Variants in HMGCL observed in about 807,000 individuals in gnomAD.
HMGCL encodes 3-hydroxy-3-methylglutaryl-CoA lyase.
A neutral mutation model predicts 37.3 loss-of-function variants in HMGCL; 26 were observed. The ratio of observed to expected loss-of-function variants is 0.70; its 90% CI spans 0.51 to 0.97. The LOEUF (loss-of-function observed/expected upper bound fraction) is 0.97. HMGCL is among the 50% of genes least tolerant of loss of function. The probability of loss-of-function intolerance (pLI) is 0.00; values close to 1 mark genes in which losing one functional copy is unlikely to be tolerated. For synonymous variants in HMGCL, 151 were observed against 148.0 expected (o/e 1.02, Z -0.15); for missense variants, 379 against 398.1 (o/e 0.95, Z 0.41).
Position 23,802,328 on chromosome 1 carries a change from GAGACCTCTGTGT to G in HMGCL, c.*123_*134del. On this transcript the variant is annotated 3_prime_UTR_variant, in exon 9 of 9. Transcript: ENST00000374490. ...GCCCTTCGCCTGCTTTCTGCCAGGA[GAGACCTCTGTGT>G]AGAGCTGGCTATGAGGTACCTGCAC... 1 of 731,256 alleles carries G rather than the reference GAGACCTCTGTGT, an allele frequency of 1.4e-6. No homozygotes were observed. Among genetic ancestry groups the G allele is most frequent in the Non-Finnish European group, 2.5e-6 (1 of 402,826 alleles). The allele number at this position is 731,256 out of a possible 1,614,324, so 45.3% of individuals were successfully genotyped here.
At chr1:23,810,548 C>A in intron 6 of HMGCL, 188 bp downstream of exon 6, 4 of 617,290 alleles carry the variant, frequency 6.5e-6, no homozygotes, top group African/African-American at 1.8e-5. Flanking sequence ...ACTACATGTT[C>A]GGCTAGGAGG....
In HMGCL at chr1:23,801,965, G is replaced by T; in HGVS notation, c.*498C>A. 1 of 423,218 alleles carries T rather than the reference G, an allele frequency of 2.4e-6. No homozygotes were observed. The highest frequency in any genetic ancestry group is 4.2e-6 in the Non-Finnish European group (1 of 238,964). 26.2% of individuals were successfully genotyped at this position (423,218 alleles called of 1,614,324 possible). Reference sequence around the variant, plus strand: ...AGCGTGGAGATTTTCCAGAGATGCTGGAGTTGGCAGACGGCCACCACGTAG... The same window carrying T: ...AGCGTGGAGATTTTCCAGAGATGCTTGAGTTGGCAGACGGCCACCACGTAG... On this transcript the variant is annotated 3_prime_UTR_variant, in exon 9 of 9. Transcript: ENST00000374490.
chr1:23,822,115 C>T (rs952487497), intron 1 of HMGCL, among the ~76,000 whole-genome samples: 7 of 152,162 alleles, frequency 4.6e-5, no homozygotes, highest in Non-Finnish European at 1.0e-4. Context: ...TACAAAGTAG[C>T]CACTCTTTAA....
chr1:23,808,346 G>C lies in HMGCL; in HGVS notation c.562-23C>G, dbSNP rs374835343. On this transcript the variant is annotated intron_variant, in intron 6 of 8. Transcript: ENST00000374490. ...GACCTAAGGAAGCAAGCAGGCACTT[G>C]GAGGATACAGAATCCACCAGCCAGG... 5 of 1,606,730 alleles carry C rather than the reference G, an allele frequency of 3.1e-6. No individual in the cohort carries two copies. In the East Asian group the frequency reaches 1.1e-4, roughly 36 times the overall value.
At chr1:23,804,349 G>A in intron 8 of HMGCL, 51 bp downstream of exon 8, 1 of 1,610,542 alleles carries the variant, frequency 6.2e-7, no homozygotes. Flanking sequence ...CTCAGCTTCA[G>A]GCCCCCTGGT....
intron 1 of HMGCL, among the ~76,000 whole-genome samples, chr1:23,822,397 A>C (rs745694862): frequency 6.6e-6 from 1 of 152,152 alleles, no homozygotes; most frequent in Non-Finnish European, 1.5e-5. Context: ...CTATCAAGTA[A>C]CACAATACTT....
Position 23,825,348 on chromosome 1 carries a change from G to A in HMGCL, c.60+8C>T. Reference sequence around the variant, plus strand: ...AGGGCCGCCGCCTCGGCGGCTCGGGGCACTTACAGCCCGGAGGGACGCCAA... The same window carrying A: ...AGGGCCGCCGCCTCGGCGGCTCGGGACACTTACAGCCCGGAGGGACGCCAA... On this transcript the variant is annotated splice_region_variant and intron_variant, in intron 1 of 8. Transcript: ENST00000374490. The A allele has an allele frequency of 6.4e-7, 1 of 1,554,882 alleles. No individual in the cohort carries two copies. The highest frequency in any genetic ancestry group is 8.7e-7 in the Non-Finnish European group (1 of 1,149,536).
chr1:23,807,363 AAC>A, intron 7 of HMGCL: 1 of 427,362 alleles, frequency 2.3e-6, no homozygotes, highest in Non-Finnish European at 4.6e-6. Flanking sequence ...CCCAGAACAT[AAC>A]AGACTCACCT....
At chr1:23,808,002 A>G (rs1330782640) in intron 7 of HMGCL, 133 bp downstream of exon 7, 2 of 797,976 alleles carry the variant, frequency 2.5e-6, no homozygotes, top group Non-Finnish European at 4.2e-6. Flanking sequence ...CAGGGTCACC[A>G]TGACTGTGTC....
At chr1:23,804,616 T>A in intron 7 of HMGCL, 91 bp from the exon 8 acceptor site, 1 of 1,398,460 alleles carries the variant, frequency 7.2e-7, no homozygotes. Flanking sequence ...GTCTGTTGCC[T>A]GAAATTCTAG....
intron 2 of HMGCL, among the ~76,000 whole-genome samples, chr1:23,819,518 C>T (rs755738846): frequency 6.6e-5 from 10 of 152,100 alleles, no homozygotes; most frequent in Non-Finnish European, 1.5e-4. Flanking sequence ...CACCTGAGGT[C>T]GGGAGTTCAA....
At chr1:23,805,326 C>G (rs904425459) in intron 7 of HMGCL, among the ~76,000 whole-genome samples, 3 of 152,202 alleles carry the variant, frequency 2.0e-5, no homozygotes, top group Admixed American at 1.3e-4. Context: ...TGCGATCTCT[C>G]CCATCTTTTA....
In HMGCL at chr1:23,825,429, C is replaced by A. The variant is rs1350569770; in HGVS notation, c.-14G>T. The A allele has an allele frequency of 6.4e-7, 1 of 1,552,252 alleles. No individual in the cohort carries two copies. The highest frequency in any genetic ancestry group is 1.4e-5 in the African/African-American group (1 of 73,110). ...CATTGCTGCCATCTTGGCCCAGAAT[C>A]CCCCGCGGCAGTCCAGCTGGGCCCC... On this transcript the variant is annotated 5_prime_UTR_variant, in exon 1 of 9. Transcript: ENST00000374490.
chr1:23,804,676 GA>G (rs1388810241), intron 7 of HMGCL, 151 bp from the exon 8 acceptor site: 14 of 838,186 alleles, frequency 1.7e-5, no homozygotes, highest in South Asian at 2.9e-5. Flanking sequence ...CAATCCCACA[GA>G]AAGAGACAGT....
At chr1:23,816,816 A>G in intron 3 of HMGCL, 46 bp from the exon 4 acceptor site, 6 of 1,147,930 alleles carry the variant, frequency 5.2e-6, no homozygotes, top group Non-Finnish European at 8.0e-6. Flanking sequence ...AAGAGCAGAC[A>G]GAGAGTTCAG....
chr1:23,805,035 T>C (rs1330697461), intron 7 of HMGCL, among the ~76,000 whole-genome samples: 2 of 151,934 alleles, frequency 1.3e-5, no homozygotes, highest in East Asian at 3.9e-4. Flanking sequence ...TATCACCCCC[T>C]TCCCCATCCT....
chr1:23,808,350 G>A, intron 6 of HMGCL, 27 bp from the exon 7 acceptor site: 1 of 1,603,250 alleles, frequency 6.2e-7, no homozygotes, highest in Non-Finnish European at 8.5e-7. Context: ...GCACTTGGAG[G>A]ATACAGAATC....
intron 7 of HMGCL, 100 bp downstream of exon 7, chr1:23,808,035 G>T: frequency 1.8e-6 from 2 of 1,122,660 alleles, no homozygotes; most frequent in Non-Finnish European, 2.7e-6. Flanking sequence ...CTTGGAACCT[G>T]GCATACTGGC....
intron 5 of HMGCL, among the ~76,000 whole-genome samples, chr1:23,812,113 CCCA>C (rs1421842247): frequency 1.3e-5 from 2 of 152,124 alleles, no homozygotes; most frequent in Non-Finnish European, 2.9e-5. Flanking sequence ...AGTGGAGCAC[CCCA>C]GGGACTGGGA....
Sources: gnomAD v4.1 joint callset for allele counts (sites outside exome capture counted in the v4.1 genomes callset) on GRCh38, gnomAD v4.1.1 for gene constraint, MANE v1.5 for transcripts, NCBI Gene and HGNC (gene_info 2026-07-23, HGNC 2026-07-21) for gene names.